The following TENM3 variants were observed in gnomAD, a reference collection of about 807,000 sequenced individuals.
The protein encoded by TENM3 is teneurin transmembrane protein 3.
Under a neutral mutation model 255.1 loss-of-function variants are expected in TENM3, and 63 were observed. The observed-to-expected ratio is 0.25, with a 90% confidence interval of 0.20 to 0.30. The LOEUF is 0.30. Ranked by LOEUF, TENM3 falls within the 10% of genes least tolerant of loss-of-function variation. TENM3 has a pLI of 1.00. For missense variants in TENM3, 2,929 were observed against 3,461.1 expected (o/e 0.85, Z 3.86); for synonymous variants, 1,306 against 1,322.3 (o/e 0.99, Z 0.27).
At chr4:182,648,576 C>T (rs892211492) in intron 5 of TENM3, among the ~76,000 whole-genome samples, 7 of 152,000 alleles carry the variant, frequency 4.6e-5, no homozygotes, top group Admixed American at 6.6e-5. Flanking sequence ...TGAGCCACTG[C>T]GCCCTGCCTA....
chr4:182,445,978 T>C (rs12505033), intron 3 of TENM3, among the ~76,000 whole-genome samples: 11,599 of 152,290 alleles, frequency 0.076, 699 homozygotes, highest in East Asian at 0.23. Context: ...TACACGTCTC[T>C]GTGGAACTCT....
intron 12 of TENM3, among the ~76,000 whole-genome samples, chr4:182,697,686 T>G (rs1309141840): frequency 6.6e-6 from 1 of 152,294 alleles, no homozygotes. Context: ...AGCTATCCAC[T>G]GGGGGCCTTC....
chr4:182,428,563 A>G (rs765343366), intron 3 of TENM3, among the ~76,000 whole-genome samples: 1 of 151,762 alleles, frequency 6.6e-6, no homozygotes, highest in Non-Finnish European at 1.5e-5. Context: ...TTGGTCAGCT[A>G]TTGATTCCGT....
chr4:181,881,564 T>C, the TENM3 span, among the ~76,000 whole-genome samples: 1 of 152,162 alleles, frequency 6.6e-6, no homozygotes. Flanking sequence ...TCCTGAAATA[T>C]ATTCGAGATC....
chr4:181,670,614 G>GA, the TENM3 span, among the ~76,000 whole-genome samples: 4 of 152,124 alleles, frequency 2.6e-5, no homozygotes, highest in Non-Finnish European at 4.4e-5. Flanking sequence ...AGTTAAGAGG[G>GA]AAAAAATGTG....
rs137856227 is a variant in TENM3, at chr4:182,590,019, G to A, written c.512-10905G>A. On this transcript the variant is annotated intron_variant, in intron 3 of 27. Transcript: ENST00000511685. The stretch of plus-strand genomic sequence containing the variant: ...AAAAAACGTTTGATTTGCTTCTGCC[G>A]GGTGCCTCAGGCAGAAGCATTGCTG... Among the ~76,000 whole-genome samples the A allele has an allele frequency of 1.7e-3, 258 of 152,078 alleles. 1 individual carries two copies. Among genetic ancestry groups the A allele is most frequent in the African/African-American group, 5.4e-3 (222 of 41,488 alleles).
chr4:182,752,853 G>A (rs951305354), intron 20 of TENM3, among the ~76,000 whole-genome samples: 2 of 151,372 alleles, frequency 1.3e-5, no homozygotes, highest in African/African-American at 4.9e-5. Flanking sequence ...TATAATCATT[G>A]TAATTTATAT....
At chr4:181,953,845 T>A in the TENM3 span, among the ~76,000 whole-genome samples, 5 of 152,296 alleles carry the variant, frequency 3.3e-5, no homozygotes, top group South Asian at 1.0e-3. Flanking sequence ...TCAATAAATT[T>A]TGACATATTT....
At chr4:182,717,432 CTG>C (rs1759292149) in intron 13 of TENM3, among the ~76,000 whole-genome samples, 1 of 152,180 alleles carries the variant, frequency 6.6e-6, no homozygotes, top group Non-Finnish European at 1.5e-5. Flanking sequence ...CGCTGGGTAA[CTG>C]TAGCTTTTCA....
the TENM3 span, among the ~76,000 whole-genome samples, chr4:181,510,694 A>G: frequency 6.6e-6 from 1 of 152,254 alleles, no homozygotes; most frequent in Non-Finnish European, 1.5e-5. Flanking sequence ...AAGAGAAAGA[A>G]GCATCTGAAA....
chr4:182,610,260 T>A lies in TENM3; in HGVS notation c.749+9099T>A, dbSNP rs531094332. Among the ~76,000 whole-genome samples the A allele has an allele frequency of 1.1e-4, 16 of 152,344 alleles. No individual in the cohort carries two copies. The South Asian group carries it at 3.3e-3, about 32-fold the overall frequency. The stretch of plus-strand genomic sequence containing the variant: ...ATGAAGCCTGAATGCATTCATTCAT[T>A]TATGCAGGAAATATTGGTTAGTCTT... On this transcript the variant is annotated intron_variant, in intron 4 of 27. Coordinates refer to ENST00000511685, the MANE Select transcript of TENM3 (RefSeq NM_001080477.4).
chr4:182,376,686 G>A lies in TENM3; in HGVS notation c.511+29757G>A, dbSNP rs568504239. Among the ~76,000 whole-genome samples the A allele has an allele frequency of 3.6e-4, 55 of 152,168 alleles. 3 individuals carry two copies. The South Asian group carries it at 1.0e-2, about 28-fold the overall frequency. On this transcript the variant is annotated intron_variant, in intron 3 of 27. Coordinates refer to ENST00000511685, the MANE Select transcript of TENM3 (RefSeq NM_001080477.4). ...GGCAGAGGAGGGAGGTGGCTGAACCGGAGTCAGTGTACAGAAACCAGAGCG... is the reference window on the plus strand; with the variant it reads ...GGCAGAGGAGGGAGGTGGCTGAACCAGAGTCAGTGTACAGAAACCAGAGCG...
chr4:181,478,073 T>C, the TENM3 span, among the ~76,000 whole-genome samples: 1 of 152,212 alleles, frequency 6.6e-6, no homozygotes, highest in South Asian at 2.1e-4. Flanking sequence ...ATCAATTAAA[T>C]GCTAGTGGCA....
At chr4:181,966,336 A>G in the TENM3 span, among the ~76,000 whole-genome samples, 204 of 152,266 alleles carry the variant, frequency 1.3e-3, 2 homozygotes, top group Middle Eastern at 0.017. Context: ...TGTCCTCTAG[A>G]CATTTGGTAG....
chr4:182,419,475 A>G (rs1179457847), intron 3 of TENM3, among the ~76,000 whole-genome samples: 1 of 152,196 alleles, frequency 6.6e-6, no homozygotes, highest in Non-Finnish European at 1.5e-5. Context: ...TTCCTCAAGG[A>G]TCTAGAACTA....
chr4:181,647,066 A>T, the TENM3 span, among the ~76,000 whole-genome samples: 33 of 152,136 alleles, frequency 2.2e-4, no homozygotes, highest in Non-Finnish European at 4.6e-4. Flanking sequence ...TGTAATGATG[A>T]CTAAGAAGAC....
chr4:181,614,345 A>AT, the TENM3 span, among the ~76,000 whole-genome samples: 75 of 152,142 alleles, frequency 4.9e-4, no homozygotes, highest in Middle Eastern at 3.4e-3. Context: ...AAAAGATCTG[A>AT]TTTTTTTGTC....
At chr4:181,760,326 C>T in the TENM3 span, among the ~76,000 whole-genome samples, 3 of 152,200 alleles carry the variant, frequency 2.0e-5, no homozygotes, top group East Asian at 5.8e-4. Flanking sequence ...TCCCCTTAAA[C>T]ATGACACTTT....
the TENM3 span, among the ~76,000 whole-genome samples, chr4:181,843,683 T>G: frequency 6.6e-6 from 1 of 151,844 alleles, no homozygotes; most frequent in South Asian, 2.1e-4. Context: ...CTTGGAAATT[T>G]GAGAGTGAGG....
Sources: allele counts gnomAD v4.1 joint callset (sites outside exome capture counted in the v4.1 genomes callset), GRCh38; gene constraint gnomAD v4.1.1; transcripts MANE v1.5; gene names NCBI Gene and HGNC (gene_info 2026-07-23, HGNC 2026-07-21).